RABGAP1L: variants seen among roughly 807,000 people sequenced by gnomAD.
The protein encoded by RABGAP1L is RAB GTPase activating protein 1 like.
Under a neutral mutation model 137.7 loss-of-function variants are expected in RABGAP1L, and 63 were observed. The ratio of observed to expected loss-of-function variants is 0.46; its 90% CI spans 0.37 to 0.56. The LOEUF (loss-of-function observed/expected upper bound fraction) is 0.56. Ranked by LOEUF, RABGAP1L falls within the 20% of genes least tolerant of loss-of-function variation. The pLI is 0.00. For missense variants in RABGAP1L, 1,095 were observed against 1,244.0 expected (o/e 0.88, Z 1.80); for synonymous variants, 431 against 433.7 (o/e 0.99, Z 0.08).
chr1:174,778,509 A>T (rs2148754143), intron 18 of RABGAP1L, among the ~76,000 whole-genome samples: 1 of 152,280 alleles, frequency 6.6e-6, no homozygotes, highest in African/African-American at 2.4e-5. Context: ...ATAAGAGTAC[A>T]ATTCTGTATT....
intron 18 of RABGAP1L, among the ~76,000 whole-genome samples, chr1:174,766,616 G>C (rs759360776): frequency 5.9e-5 from 9 of 152,152 alleles, no homozygotes; most frequent in Admixed American, 1.3e-4. Flanking sequence ...CAGTTTGTCA[G>C]TTTCTGCCAA....
rs1678253740 is a variant in RABGAP1L at position 174,683,691 on chromosome 1, GAT to G, written c.1899+96_1899+97del. 3.2e-6 allele frequency: 3 copies of G among 945,494 alleles called. No individual in the cohort carries two copies. In the East Asian group the frequency reaches 7.7e-5, roughly 24 times the overall value. 58.6% of individuals were successfully genotyped at this position (945,494 alleles called of 1,614,324 possible). ...CTTCCTTCTTATTTCCCATTTATCT[GAT>G]GGAGATTACATATGGCATATCTTTT... On this transcript the variant is annotated intron_variant, in intron 15 of 25. Coordinates refer to ENST00000681986, the MANE Select transcript of RABGAP1L (RefSeq NM_001366446.1).
rs1447181104 is a variant in RABGAP1L at position 174,309,470 on chromosome 1, G to A, written c.1465+4343G>A. ...AAAGCTTTTAGCCTTTCCCCATTCA[G>A]TATAATGTTAGCTATGGGTTTGACA... On this transcript the variant is annotated intron_variant, in intron 11 of 25. Coordinates refer to ENST00000681986, the MANE Select transcript of RABGAP1L (RefSeq NM_001366446.1). Among the ~76,000 whole-genome samples the A allele has an allele frequency of 4.6e-5, 7 of 152,020 alleles. No individual in the cohort carries two copies. In the South Asian group the frequency reaches 1.4e-3, roughly 31 times the overall value.
intron 19 of RABGAP1L, among the ~76,000 whole-genome samples, chr1:174,838,641 T>A (rs938954174): frequency 1.3e-5 from 2 of 151,750 alleles, no homozygotes; most frequent in African/African-American, 4.8e-5. Flanking sequence ...CAGACAAAAA[T>A]GACATGGGCC....
intron 19 of RABGAP1L, among the ~76,000 whole-genome samples, chr1:174,816,582 T>C (rs1277010023): frequency 2.6e-5 from 4 of 152,206 alleles, no homozygotes; most frequent in Admixed American, 2.6e-4. Flanking sequence ...ACCATTCCTG[T>C]TGGTCAGAAA....
chr1:174,341,943 C>T (rs999016299), intron 11 of RABGAP1L, among the ~76,000 whole-genome samples: 1 of 152,108 alleles, frequency 6.6e-6, no homozygotes, highest in African/African-American at 2.4e-5. Flanking sequence ...GATAACTGAA[C>T]TCTGTACTTG....
chr1:174,910,150 C>CAA (rs1038343825), intron 19 of RABGAP1L, among the ~76,000 whole-genome samples: 1 of 151,722 alleles, frequency 6.6e-6, no homozygotes, highest in African/African-American at 2.4e-5. Context: ...AAAAAAAACA[C>CAA]AAACAAACAA....
chr1:174,722,869 A>G (rs1309546099), intron 17 of RABGAP1L, among the ~76,000 whole-genome samples: 20 of 152,094 alleles, frequency 1.3e-4, no homozygotes. Context: ...AACTTCAGGT[A>G]TTTGCCCGAG....
At chr1:174,984,240 C>A (rs926984611) in intron 24 of RABGAP1L, among the ~76,000 whole-genome samples, 1 of 151,812 alleles carries the variant, frequency 6.6e-6, no homozygotes, top group Non-Finnish European at 1.5e-5. Context: ...TCCATGTGTT[C>A]TCAGTGCTAA....
chr1:174,505,135 A>G (rs1661698265), intron 13 of RABGAP1L, among the ~76,000 whole-genome samples: 1 of 152,338 alleles, frequency 6.6e-6, no homozygotes, highest in East Asian at 1.9e-4. Flanking sequence ...AGGAATTTGC[A>G]TATCTTTACA....
At chr1:174,224,357 C>T (rs1024038713) in intron 3 of RABGAP1L, among the ~76,000 whole-genome samples, 4 of 152,062 alleles carry the variant, frequency 2.6e-5, no homozygotes, top group African/African-American at 4.8e-5. Flanking sequence ...TGCCTGTAAT[C>T]CCAGCTGAGA....
At chr1:174,336,907 G>T (rs980369699) in intron 11 of RABGAP1L, among the ~76,000 whole-genome samples, 6 of 150,612 alleles carry the variant, frequency 4.0e-5, no homozygotes, top group Non-Finnish European at 7.4e-5. Context: ...GAAAGAGAGA[G>T]AAAGAATGGA....
intron 13 of RABGAP1L, among the ~76,000 whole-genome samples, chr1:174,423,062 C>A (rs1651530364): frequency 6.6e-6 from 1 of 151,620 alleles, no homozygotes; most frequent in Non-Finnish European, 1.5e-5. Context: ...TTTCATTTAA[C>A]CTTTCAGCTA....
intron 19 of RABGAP1L, among the ~76,000 whole-genome samples, chr1:174,843,176 G>A (rs1201991289): frequency 6.7e-6 from 1 of 149,614 alleles, no homozygotes; most frequent in Admixed American, 6.7e-5. Context: ...AATACTGTTA[G>A]TCTACCTCAC....
rs568872539 is a variant in RABGAP1L, at chr1:174,231,619, G to T, written c.542+264G>T. Among the ~76,000 whole-genome samples the T allele has an allele frequency of 8.5e-5, 13 of 152,314 alleles. No individual in the cohort carries two copies. In the East Asian group the frequency reaches 2.5e-3, roughly 29 times the overall value. On this transcript the variant is annotated intron_variant, in intron 4 of 25. Coordinates refer to ENST00000681986, the MANE Select transcript of RABGAP1L (RefSeq NM_001366446.1). ...GGTTTAACTGGCTCTTGGTTCTGCA[G>T]GGTGTATAGGAAACATGATGCTGGC...
intron 19 of RABGAP1L, among the ~76,000 whole-genome samples, chr1:174,949,797 A>G (rs745620866): frequency 3.9e-5 from 6 of 152,228 alleles, no homozygotes; most frequent in Admixed American, 3.3e-4. Context: ...ATTATACAAG[A>G]TTAGACTTAC....
intron 13 of RABGAP1L, among the ~76,000 whole-genome samples, chr1:174,428,261 C>G (rs992126312): frequency 1.3e-5 from 2 of 152,070 alleles, no homozygotes; most frequent in Non-Finnish European, 2.9e-5. Context: ...GTGTTAGGCT[C>G]CCTGAGTGAT....
intron 12 of RABGAP1L, among the ~76,000 whole-genome samples, chr1:174,389,276 T>C (rs1452943043): frequency 6.6e-6 from 1 of 152,050 alleles, no homozygotes; most frequent in Non-Finnish European, 1.5e-5. Flanking sequence ...ATTTCAGTTA[T>C]AGTCTTTTCC....
intron 18 of RABGAP1L, among the ~76,000 whole-genome samples, chr1:174,798,935 T>A (rs1191059122): frequency 6.6e-6 from 1 of 152,188 alleles, no homozygotes; most frequent in Admixed American, 6.5e-5. Flanking sequence ...TGATTATTTA[T>A]TCACAACAAG....
Sources: gnomAD v4.1 joint callset for allele counts (sites outside exome capture counted in the v4.1 genomes callset) on GRCh38, gnomAD v4.1.1 for gene constraint, MANE v1.5 for transcripts, NCBI Gene and HGNC (gene_info 2026-07-23, HGNC 2026-07-21) for gene names.